Variants in PDGFC observed in about 807,000 individuals in gnomAD.
The protein encoded by PDGFC is platelet derived growth factor C.
Under a neutral mutation model 35.5 loss-of-function variants are expected in PDGFC, and 12 were observed. The ratio of observed to expected loss-of-function variants is 0.34; its 90% CI spans 0.22 to 0.55. PDGFC has a LOEUF of 0.55. PDGFC is among the 20% of genes least tolerant of loss of function. The probability of loss-of-function intolerance (pLI) is 0.91; values close to 1 mark genes in which losing one functional copy is unlikely to be tolerated. For missense variants in PDGFC, 322 were observed against 412.4 expected (o/e 0.78, Z 1.90); for synonymous variants, 159 against 148.8 (o/e 1.07, Z -0.50).
chr4:156,789,974 C>A (rs1731246687), intron 3 of PDGFC, among the ~76,000 whole-genome samples: 1 of 62,218 alleles, frequency 1.6e-5, no homozygotes. Context: ...GAGTCTCCAT[C>A]TCAAAAAAAA....
intron 1 of PDGFC, among the ~76,000 whole-genome samples, chr4:156,955,892 G>A (rs981974981): frequency 5.9e-5 from 9 of 151,994 alleles, no homozygotes; most frequent in East Asian, 1.9e-4. Context: ...TCACAAGTCC[G>A]CACCATCTGC....
intron 1 of PDGFC, among the ~76,000 whole-genome samples, chr4:156,948,109 G>T (rs1731990189): frequency 6.7e-6 from 1 of 148,852 alleles, no homozygotes; most frequent in African/African-American, 2.5e-5. Flanking sequence ...TCCATGGTGT[G>T]CAACCTAATG....
At chr4:156,956,986 G>A (rs1232422591) in intron 1 of PDGFC, among the ~76,000 whole-genome samples, 6 of 151,978 alleles carry the variant, frequency 3.9e-5, no homozygotes, top group African/African-American at 2.4e-5. Flanking sequence ...GAAAAATGGC[G>A]AGAAGCTGTT....
chr4:156,885,553 T>A (rs567581963), intron 1 of PDGFC, among the ~76,000 whole-genome samples: 7 of 152,300 alleles, frequency 4.6e-5, no homozygotes, highest in African/African-American at 1.4e-4. Flanking sequence ...ATTTAGAGTA[T>A]GCTTTTTTTT....
chr4:156,798,086 G>A (rs1043365570), intron 3 of PDGFC, among the ~76,000 whole-genome samples: 1 of 152,120 alleles, frequency 6.6e-6, no homozygotes. Context: ...CGGCTACTCG[G>A]GAGGCTGAGG....
At chr4:156,948,786 G>T (rs190389585) in intron 1 of PDGFC, among the ~76,000 whole-genome samples, 1 of 151,722 alleles carries the variant, frequency 6.6e-6, no homozygotes, top group Non-Finnish European at 1.5e-5. Flanking sequence ...ATTTATGGGG[G>T]CATACATAAA....
intron 3 of PDGFC, among the ~76,000 whole-genome samples, chr4:156,788,905 T>C (rs1159002687): frequency 1.3e-5 from 2 of 152,198 alleles, no homozygotes; most frequent in African/African-American, 4.8e-5. Flanking sequence ...ACTGGTTTTA[T>C]ATGCACTGAT....
intron 1 of PDGFC, among the ~76,000 whole-genome samples, chr4:156,899,389 G>A (rs1357675559): frequency 2.6e-5 from 4 of 152,234 alleles, no homozygotes; most frequent in Admixed American, 6.5e-5. Flanking sequence ...AAGGGATGAC[G>A]ATATTGCCTT....
At chr4:156,839,519 T>G (rs182500519) in intron 2 of PDGFC, among the ~76,000 whole-genome samples, 2 of 152,304 alleles carry the variant, frequency 1.3e-5, no homozygotes, top group East Asian at 3.9e-4. Flanking sequence ...TCTTGGGCAG[T>G]TCTTTACAGC....
intron 3 of PDGFC, among the ~76,000 whole-genome samples, chr4:156,794,129 T>A (rs1009276812): frequency 6.6e-6 from 1 of 152,124 alleles, no homozygotes; most frequent in East Asian, 1.9e-4. Context: ...AAAATAAACC[T>A]GAGATAACTT....
chr4:156,847,753 T>C (rs1479243306), intron 2 of PDGFC, among the ~76,000 whole-genome samples: 1 of 150,678 alleles, frequency 6.6e-6, no homozygotes, highest in Non-Finnish European at 1.5e-5. Flanking sequence ...CCTATTTTTA[T>C]ACTAAAAAGC....
At chr4:156,808,562 C>T (rs1034967009) in intron 3 of PDGFC, among the ~76,000 whole-genome samples, 7 of 151,752 alleles carry the variant, frequency 4.6e-5, no homozygotes, top group African/African-American at 1.7e-4. Context: ...GTCTGCTGTC[C>T]AGGAGGCACA....
chr4:156,955,494 T>G (rs1258828636), intron 1 of PDGFC, among the ~76,000 whole-genome samples: 1 of 152,144 alleles, frequency 6.6e-6, no homozygotes, highest in Admixed American at 6.6e-5. Flanking sequence ...CATTCCATTT[T>G]ATTTGGTAAA....
chr4:156,930,605 C>T (rs528705677), intron 1 of PDGFC, among the ~76,000 whole-genome samples: 13 of 152,344 alleles, frequency 8.5e-5, no homozygotes, highest in East Asian at 7.7e-4. Context: ...CAGCGTCTCA[C>T]GCCTGTAATC....
At chr4:156,857,042 A>G (rs1465943583) in intron 1 of PDGFC, among the ~76,000 whole-genome samples, 1 of 150,780 alleles carries the variant, frequency 6.6e-6, no homozygotes, top group Non-Finnish European at 1.5e-5. Flanking sequence ...TGATAATAAA[A>G]TCTGTTATTT....
chr4:156,851,828 G>C, intron 1 of PDGFC, among the ~76,000 whole-genome samples: 1 of 151,036 alleles, frequency 6.6e-6, no homozygotes, highest in East Asian at 2.0e-4. Flanking sequence ...CTACTCCGGA[G>C]GCTGAGGCAG....
chr4:156,778,018 C>A (rs1324485884), intron 3 of PDGFC, among the ~76,000 whole-genome samples: 4 of 152,092 alleles, frequency 2.6e-5, no homozygotes, highest in African/African-American at 9.7e-5. Context: ...GGACAAGAAT[C>A]ACTTGAACCC....
At position 156,762,377 on chromosome 4, in the gene PDGFC, C is replaced by T. The variant is rs1252331132; in HGVS notation, c.*713G>A. On this transcript the variant is annotated 3_prime_UTR_variant, in exon 6 of 6. Transcript: ENST00000502773. Reference sequence around the variant, plus strand: ...GTCAAAAGGAGAATATAAAAATGTACACAATGAAACAAATAAACTGACTTA... The same window carrying T: ...GTCAAAAGGAGAATATAAAAATGTATACAATGAAACAAATAAACTGACTTA... 1 of 152,472 alleles carries T rather than the reference C, an allele frequency of 6.6e-6. No individual in the cohort carries two copies. The highest frequency in any genetic ancestry group is 2.4e-5 in the African/African-American group (1 of 41,416). 9.4% of individuals were successfully genotyped at this position (152,472 alleles called of 1,614,324 possible).
chr4:156,817,619 T>TTTTAGA (rs1420472268), intron 2 of PDGFC, among the ~76,000 whole-genome samples: 21 of 152,160 alleles, frequency 1.4e-4, no homozygotes, highest in Non-Finnish European at 2.9e-5. Context: ...AGACCCTGTC[T>TTTTAGA]CCCTCTCTCT....
Sources: allele counts gnomAD v4.1 joint callset (sites outside exome capture counted in the v4.1 genomes callset), GRCh38; gene constraint gnomAD v4.1.1; transcripts MANE v1.5; gene names NCBI Gene and HGNC (gene_info 2026-07-23, HGNC 2026-07-21).